Variants in NELL2 observed in about 807,000 individuals in gnomAD.
NELL2 encodes neural EGFL like 2, also known as protein kinase C-binding protein NELL2.
In NELL2, 41 loss-of-function variants were observed where a neutral mutation model predicts 109.6. The observed-to-expected ratio is 0.37, with a 90% CI of 0.29 to 0.49. The LOEUF (loss-of-function observed/expected upper bound fraction) is 0.49. Among genes scored for constraint, NELL2 ranks in the 20% least tolerant of loss-of-function variants. The pLI is 0.98. For missense variants in NELL2, 900 were observed against 1,008.3 expected, an observed-to-expected ratio of 0.89 and a Z score of 1.45; for synonymous variants, 355 against 344.7, an observed-to-expected ratio of 1.03 and a Z score of -0.33.
chr12:44,791,180 C>A (rs1385405595), intron 3 of NELL2, among the ~76,000 whole-genome samples: 1 of 27,724 alleles, frequency 3.6e-5, no homozygotes, highest in Non-Finnish European at 6.8e-5. Flanking sequence ...TATAGTATTC[C>A]ATCATATATA....
At chr12:44,830,253 G>A (rs1005271833) in intron 2 of NELL2, among the ~76,000 whole-genome samples, 1 of 152,160 alleles carries the variant, frequency 6.6e-6, no homozygotes, top group African/African-American at 2.4e-5. Context: ...AATAGCCAAA[G>A]AGATAGTACA....
intron 3 of NELL2, among the ~76,000 whole-genome samples, chr12:44,785,449 T>G (rs755647657): frequency 6.6e-6 from 1 of 152,208 alleles, no homozygotes. Context: ...ATGGCCATAC[T>G]GCCCAAAGTA....
At chr12:44,891,730 C>G (rs1945536639) in intron 1 of NELL2, among the ~76,000 whole-genome samples, 1 of 152,084 alleles carries the variant, frequency 6.6e-6, no homozygotes, top group Non-Finnish European at 1.5e-5. Context: ...CTACCTTAGT[C>G]ATATGATTAA....
intron 9 of NELL2, among the ~76,000 whole-genome samples, chr12:44,733,979 T>A (rs1032623670): frequency 1.3e-5 from 2 of 152,042 alleles, no homozygotes; most frequent in African/African-American, 4.8e-5. Flanking sequence ...TTATGTAAGC[T>A]GCACAGTAGG....
At chr12:44,887,733 T>C (rs181819050) in intron 1 of NELL2, among the ~76,000 whole-genome samples, 16 of 151,996 alleles carry the variant, frequency 1.1e-4, no homozygotes, top group African/African-American at 3.9e-4. Context: ...TGGTTATTAA[T>C]CCCTTGTCAG....
intron 13 of NELL2, among the ~76,000 whole-genome samples, chr12:44,656,503 C>T (rs1039117056): frequency 6.6e-6 from 1 of 152,182 alleles, no homozygotes; most frequent in African/African-American, 2.4e-5. Context: ...AACATAAGAA[C>T]TTGTCTAACC....
At chr12:44,636,335 T>C (rs1373376790) in intron 13 of NELL2, among the ~76,000 whole-genome samples, 1 of 152,166 alleles carries the variant, frequency 6.6e-6, no homozygotes, top group Non-Finnish European at 1.5e-5. Flanking sequence ...ATAGGAGTGA[T>C]GAGAGAGGGC....
At chr12:44,885,091 C>T (rs1945455979) in intron 1 of NELL2, among the ~76,000 whole-genome samples, 2 of 151,766 alleles carry the variant, frequency 1.3e-5, no homozygotes, top group Non-Finnish European at 2.9e-5. Flanking sequence ...CTAGCCTGAC[C>T]AACATGGTGA....
intron 17 of NELL2, 114 bp from the exon 18 acceptor site, chr12:44,522,290 CT>C: frequency 1.3e-6 from 1 of 744,960 alleles, no homozygotes; most frequent in South Asian, 3.1e-5. Flanking sequence ...ATAATTCACA[CT>C]GCTTATCTGA....
At chr12:44,708,881 T>G (rs1938036680) in intron 11 of NELL2, among the ~76,000 whole-genome samples, 2 of 152,214 alleles carry the variant, frequency 1.3e-5, no homozygotes, top group African/African-American at 4.8e-5. Context: ...TTTTTAAGTA[T>G]GCTATGTAAA....
chr12:44,747,193 G>A (rs943902205), intron 9 of NELL2, among the ~76,000 whole-genome samples: 16 of 151,922 alleles, frequency 1.1e-4, no homozygotes, highest in African/African-American at 3.4e-4. Context: ...GCGAACTATC[G>A]CAAGGACAAA....
At chr12:44,709,088 G>A (rs894432361) in intron 11 of NELL2, among the ~76,000 whole-genome samples, 3 of 151,882 alleles carry the variant, frequency 2.0e-5, no homozygotes, top group South Asian at 2.1e-4. Flanking sequence ...TAACTTCTAC[G>A]CTATTCATCT....
intron 2 of NELL2, among the ~76,000 whole-genome samples, chr12:44,852,288 T>TA (rs1944556807): frequency 6.6e-6 from 1 of 152,330 alleles, no homozygotes; most frequent in South Asian, 2.1e-4. Flanking sequence ...AGATTTTCCT[T>TA]ACCTACTTCT....
intron 13 of NELL2, among the ~76,000 whole-genome samples, chr12:44,648,881 G>A (rs1448752034): frequency 2.8e-5 from 4 of 143,558 alleles, no homozygotes; most frequent in Non-Finnish European, 6.1e-5. Context: ...GATTACAGGC[G>A]CATGCCACCA....
At chr12:44,756,854 G>A (rs1480312884) in intron 9 of NELL2, among the ~76,000 whole-genome samples, 1 of 151,902 alleles carries the variant, frequency 6.6e-6, no homozygotes, top group Non-Finnish European at 1.5e-5. Context: ...CTCTCCTTAA[G>A]TGACTCTGAT....
chr12:44,766,527 T>C (rs1158513340), intron 9 of NELL2, among the ~76,000 whole-genome samples: 3 of 152,204 alleles, frequency 2.0e-5, no homozygotes, highest in Non-Finnish European at 4.4e-5. Context: ...ATTATCTCAA[T>C]TGAGAACAAA....
intron 1 of NELL2, among the ~76,000 whole-genome samples, chr12:44,908,943 TAA>T (rs1945749577): frequency 6.6e-6 from 1 of 152,020 alleles, no homozygotes; most frequent in African/African-American, 2.4e-5. Flanking sequence ...AGATTTACTT[TAA>T]AAGTGTTTGA....
intron 2 of NELL2, among the ~76,000 whole-genome samples, chr12:44,854,244 G>A (rs1944610664): frequency 1.3e-5 from 2 of 152,244 alleles, no homozygotes; most frequent in African/African-American, 2.4e-5. Context: ...AAGCAAAATA[G>A]ATTAAGCCCT....
At chr12:44,880,150 G>A (rs913851564), upstream of NELL2, among the ~76,000 whole-genome samples, 1 of 150,764 alleles carries the variant, frequency 6.6e-6, no homozygotes, top group Non-Finnish European at 1.5e-5. Flanking sequence ...CAGAGAGAGA[G>A]AGAGAGAAAA....
Sources: allele counts gnomAD v4.1 joint callset (sites outside exome capture counted in the v4.1 genomes callset), GRCh38; gene constraint gnomAD v4.1.1; transcripts MANE v1.5; gene names NCBI Gene and HGNC (gene_info 2026-07-23, HGNC 2026-07-21).